Variants in KIF21B observed in about 807,000 individuals in gnomAD.
KIF21B encodes the protein kinesin-like protein KIF21B.
A neutral mutation model predicts 192.9 loss-of-function variants in KIF21B; 85 were observed. The observed-to-expected ratio is 0.44, with a 90% confidence interval of 0.37 to 0.53. KIF21B has a LOEUF of 0.53. KIF21B is among the 20% of genes least tolerant of loss of function. The pLI is 0.00. For missense variants in KIF21B, 1,716 were observed against 2,194.8 expected, an observed-to-expected ratio of 0.78 and a Z score of 4.36; for synonymous variants, 832 against 884.6, an observed-to-expected ratio of 0.94 and a Z score of 1.05.
intron 21 of KIF21B, among the ~76,000 whole-genome samples, chr1:200,989,326 G>A (rs1396116695): frequency 2.0e-5 from 3 of 152,156 alleles, no homozygotes; most frequent in East Asian, 1.9e-4. Context: ...GACACAAAGC[G>A]GAGCTGAGAG....
intron 3 of KIF21B, 107 bp downstream of exon 3, chr1:201,008,662 C>T: frequency 2.9e-6 from 3 of 1,049,316 alleles, no homozygotes; most frequent in Non-Finnish European, 4.1e-6. Flanking sequence ...CTGGAGATGC[C>T]CCCATGGTTC....
Position 200,987,117 on chromosome 1 carries a change from T to C in KIF21B, c.3493A>G (p.Thr1165Ala), listed in dbSNP as rs1408906090. The change falls in exon 25 of 35, where the codon ACC (threonine) becomes GCC (alanine). Residue 1165 changes from threonine (T) to alanine (A), a missense_variant. Thr to Ala is a moderately conservative substitution (Grantham distance 58). Coordinates refer to ENST00000461742, the MANE Select transcript of KIF21B (RefSeq NM_001252102.2). ...PPLDISTKNI[T>A]KSLASLVEIK... ...TCAACGAGGGAGGCCAGGGACTTGG[T>C]GATGTTCTTGGTGGAGATATCCAGT... is the stretch of plus-strand genomic sequence containing the variant. 5 of 1,613,836 alleles carry C rather than the reference T, an allele frequency of 3.1e-6. No homozygotes were observed. The highest frequency in any genetic ancestry group is 4.2e-6 in the Non-Finnish European group (5 of 1,180,016).
intron 8 of KIF21B, chr1:201,002,938 T>C (rs903186087): frequency 6.4e-6 from 1 of 156,050 alleles, no homozygotes; most frequent in Non-Finnish European, 1.4e-5. Context: ...ATTTGGGCCA[T>C]GGGCTACCAA....
Position 200,987,082 on chromosome 1 carries a change from C to CTCT in KIF21B, c.3525_3527dup (p.Glu1176dup). The CTCT allele has an allele frequency of 1.2e-6, 2 of 1,614,082 alleles. No individual in the cohort carries two copies. Among genetic ancestry groups the CTCT allele is most frequent in the Non-Finnish European group, 1.7e-6 (2 of 1,180,008 alleles). On this transcript the variant is annotated inframe_insertion, in exon 25 of 35. Transcript: ENST00000461742. ...CTCGGACAGAGAAGCCCACTCCGTC[C>CTCT]TCTTTGATCTCAACGAGGGAGGCCA...
At chr1:200,992,429 G>A in intron 15 of KIF21B, 40 bp from the exon 16 acceptor site, 2 of 1,599,808 alleles carry the variant, frequency 1.3e-6, no homozygotes, top group Non-Finnish European at 1.7e-6. Flanking sequence ...ACAGGGCTGG[G>A]AGGCAGGTGG....
In KIF21B at chr1:201,005,638, GCGGGTGTCAGGGTCA is replaced by G. The variant is rs1484986625; in HGVS notation, c.489_503del (p.Asp164_Arg168del). On this transcript the variant is annotated inframe_deletion, in exon 4 of 35. Transcript: ENST00000461742. The stretch of plus-strand genomic sequence containing the variant: ...GGATCTTGATGTTGGACCTGCGGTG[GCGGGTGTCAGGGTCA>G]CGGGTGCTGTCAAACAGGTCAAGGA... The G allele has an allele frequency of 3.1e-6, 5 of 1,614,090 alleles. No homozygotes were observed. Among genetic ancestry groups the G allele is most frequent in the African/African-American group, 2.7e-5 (2 of 74,942 alleles).
In KIF21B at chr1:201,004,804, C is replaced by T. The variant is rs916957778; in HGVS notation, c.862G>A (p.Glu288Lys). Residue 288 changes from glutamate to lysine, a missense_variant, in exon 6 of 35, where the codon GAG becomes AAG. Glu to Lys is a moderately conservative substitution (Grantham distance 56). Coordinates refer to ENST00000461742, the MANE Select transcript of KIF21B (RefSeq NM_001252102.2). Reference sequence around the variant, plus strand: ...ATGGAGATGCCCTCCTTGGCCCGCTCGCCAGTAGCCCCTGTCCGCTTCAGC... The same window carrying T: ...ATGGAGATGCCCTCCTTGGCCCGCTTGCCAGTAGCCCCTGTCCGCTTCAGC... ...ERLKRTGATG[E>K]RAKEGISINC... The T allele has an allele frequency of 1.2e-5, 19 of 1,613,952 alleles. No homozygotes were observed. Among genetic ancestry groups the T allele is most frequent in the Non-Finnish European group, 1.5e-5 (18 of 1,180,038 alleles).
At chr1:201,015,007 C>G (rs1658423836) in intron 1 of KIF21B, among the ~76,000 whole-genome samples, 1 of 152,186 alleles carries the variant, frequency 6.6e-6, no homozygotes, top group Non-Finnish European at 1.5e-5. Flanking sequence ...ATTTATAGAG[C>G]CAAGACTGCC....
Position 200,979,660 on chromosome 1 carries a change from C to T in KIF21B, c.4035G>A (p.Lys1345=). Residue 1345 remains lysine, a synonymous_variant, in exon 30 of 35, where the codon AAG becomes AAA. Transcript: ENST00000461742. ...LVTGQEIAAL[K]GHPNNVVSIK... Reference sequence around the variant, plus strand: ...TGGAGACCACGTTGTTGGGGTGGCCCTTTAGAGCTGCGATCTCCTGTCCCG... The same window carrying T: ...TGGAGACCACGTTGTTGGGGTGGCCTTTTAGAGCTGCGATCTCCTGTCCCG... 6.3e-7 allele frequency: 1 copy of T among 1,584,892 alleles called. No homozygotes were observed. The highest frequency in any genetic ancestry group is 1.7e-4 in the Middle Eastern group (1 of 6,006).
intron 6 of KIF21B, 115 bp downstream of exon 6, chr1:201,004,651 G>T: frequency 7.4e-7 from 1 of 1,346,566 alleles, no homozygotes; most frequent in Non-Finnish European, 1.1e-6. Context: ...GAGAGTGAAG[G>T]GCTAATTGGC....
chr1:200,986,732 C>T, intron 26 of KIF21B, 112 bp downstream of exon 26: 2 of 960,634 alleles, frequency 2.1e-6, no homozygotes, highest in Admixed American at 2.4e-5. Flanking sequence ...TCAAGCTGGC[C>T]CAGGTTACAC....
chr1:200,978,860 A>T (rs955137705), intron 30 of KIF21B, among the ~76,000 whole-genome samples: 3 of 149,716 alleles, frequency 2.0e-5, no homozygotes, highest in African/African-American at 4.9e-5. Context: ...CTAACTAAAA[A>T]TTTTTTTTTT....
chr1:200,986,982 G>A lies in KIF21B; in HGVS notation c.3614+14C>T, dbSNP rs1035582010. 4 of 1,613,602 alleles carry A rather than the reference G, an allele frequency of 2.5e-6. No homozygotes were observed. The highest frequency in any genetic ancestry group is 1.1e-5 in the South Asian group (1 of 91,052). On this transcript the variant is annotated intron_variant, in intron 25 of 34. Coordinates refer to ENST00000461742, the MANE Select transcript of KIF21B (RefSeq NM_001252102.2). ...CACCTCCACTCCAACCCACATTCCT[G>A]CTCCCATCCTTACAAAGTGCTGCCC...
intron 22 of KIF21B, 108 bp downstream of exon 22, chr1:200,988,658 G>A: frequency 6.7e-7 from 1 of 1,486,230 alleles, no homozygotes; most frequent in Non-Finnish European, 9.1e-7. Flanking sequence ...CAGGGCTCCT[G>A]GTGGGGGTTA....
rs1003778336 is a variant in KIF21B, at chr1:201,000,241, A to G, written c.1685+149T>C. 5.0e-5 allele frequency: 43 copies of G among 864,288 alleles called. No homozygotes were observed. Among genetic ancestry groups the G allele is most frequent in the South Asian group, 2.3e-4 (14 of 60,636 alleles). The allele number at this position is 864,288 out of a possible 1,614,324, so 53.5% of individuals were successfully genotyped here. On this transcript the variant is annotated intron_variant, in intron 11 of 34. Transcript: ENST00000461742. The surrounding 1 kb of genome is among the most constrained non-coding windows in gnomAD (Gnocchi z 6.0). The stretch of plus-strand genomic sequence containing the variant: ...AAGGCTGAGCAAATCTGCGCCATGA[A>G]TTCCCAAGCAATACTGAGGCAGCCC...
chr1:200,986,943 C>G, intron 25 of KIF21B, 25 bp from the exon 26 acceptor site: 3 of 1,612,494 alleles, frequency 1.9e-6, no homozygotes, highest in Non-Finnish European at 2.5e-6. Context: ...TCCAGTGAGG[C>G]CCAGACCCAA....
rs765308976 is a variant in KIF21B, at chr1:200,998,606, G to A, written c.1886-31C>T. On this transcript the variant is annotated intron_variant, in intron 13 of 34. Coordinates refer to ENST00000461742, the MANE Select transcript of KIF21B (RefSeq NM_001252102.2). The surrounding 1 kb of genome is among the most constrained non-coding windows in gnomAD (Gnocchi z 4.3). The stretch of plus-strand genomic sequence containing the variant: ...GGGGCACAATCAGGCTCAGCCCAGC[G>A]TTAGGGCGAGGGGCAAATTGGGGAG... 1.7e-5 allele frequency: 27 copies of A among 1,599,912 alleles called. No individual in the cohort carries two copies. Among genetic ancestry groups the A allele is most frequent in the African/African-American group, 5.4e-5 (4 of 74,692 alleles).
In KIF21B at chr1:200,982,747, G is replaced by C. The variant is rs1040623986; in HGVS notation, c.3842+309C>G. ...TCAGCCCCAGCCCAGCATCCCCTAG[G>C]CCTCCATGCTGCGCCCCTCCCTGCC... On this transcript the variant is annotated intron_variant, in intron 28 of 34. Transcript: ENST00000461742. The surrounding 1 kb of genome is among the most constrained non-coding windows in gnomAD (Gnocchi z 4.7). Among the ~76,000 whole-genome samples the C allele has an allele frequency of 1.3e-5, 2 of 152,130 alleles. No homozygotes were observed. Among genetic ancestry groups the C allele is most frequent in the African/African-American group, 4.8e-5 (2 of 41,430 alleles).
intron 1 of KIF21B, among the ~76,000 whole-genome samples, chr1:201,010,528 G>C (rs962241642): frequency 9.2e-5 from 14 of 152,116 alleles, no homozygotes; most frequent in Middle Eastern, 3.2e-3. Context: ...AGGGATTGGC[G>C]GAAAGCACCA....
Sources: gnomAD v4.1 joint callset for allele counts (sites outside exome capture counted in the v4.1 genomes callset) on GRCh38, gnomAD v4.1.1 for gene constraint, Gnocchi (gnomAD v3.1) non-coding constraint, MANE v1.5 for transcripts, NCBI Gene and HGNC (gene_info 2026-07-23, HGNC 2026-07-21) for gene names.